The following CHSY3 variants were observed in gnomAD, a reference collection of about 807,000 sequenced individuals.
CHSY3 encodes chondroitin sulfate synthase 3, also known as N-acetylgalactosaminyl-proteoglycan 3-beta-glucuronosyltransferase 3.
Under a neutral mutation model 67.2 loss-of-function variants are expected in CHSY3, and 35 were observed. The observed-to-expected ratio is 0.52, with a 90% confidence interval of 0.40 to 0.69. The LOEUF (loss-of-function observed/expected upper bound fraction) is 0.69, where lower values mean the gene tolerates loss of function less well. Ranked by LOEUF, CHSY3 falls within the 30% of genes least tolerant of loss-of-function variation. CHSY3 has a pLI of 0.00. For missense variants in CHSY3, 1,069 were observed against 1,138.5 expected (o/e 0.94, Z 0.88); for synonymous variants, 474 against 434.7 (o/e 1.09, Z -1.12).
intron 2 of CHSY3, among the ~76,000 whole-genome samples, chr5:130,180,963 G>A (rs548151208): frequency 6.6e-6 from 1 of 152,312 alleles, no homozygotes; most frequent in South Asian, 2.1e-4. Context: ...AAAGTTTAAT[G>A]CGGTAGAAGA....
At position 129,978,419 on chromosome 5, in the gene CHSY3, A is replaced by G. The variant is rs143835529; in HGVS notation, c.1086+70059A>G. 8.7e-3 allele frequency among the ~76,000 whole-genome samples: 1,331 copies of G among 152,296 alleles called. 11 individuals carry two copies. Among genetic ancestry groups the G allele is most frequent in the Non-Finnish European group, 0.012 (782 of 67,994 alleles). The stretch of plus-strand genomic sequence containing the variant: ...CCTTAAGTTGGAGATGTACAAATAC[A>G]TATTTTACATATGTACACATGAGCA... On this transcript the variant is annotated intron_variant, in intron 2 of 2. Transcript: ENST00000305031.
intron 2 of CHSY3, among the ~76,000 whole-genome samples, chr5:129,951,918 C>T (rs138633713): frequency 4.6e-3 from 694 of 152,286 alleles, no homozygotes; most frequent in African/African-American, 0.016. Context: ...CTAGCACAGA[C>T]ATTTATTGAG....
At chr5:130,044,975 G>A (rs752740495) in intron 2 of CHSY3, among the ~76,000 whole-genome samples, 13 of 152,080 alleles carry the variant, frequency 8.5e-5, no homozygotes, top group Non-Finnish European at 1.5e-4. Flanking sequence ...GGCATAAGTA[G>A]TTTTTTGTTT....
intron 2 of CHSY3, among the ~76,000 whole-genome samples, chr5:130,164,184 C>A (rs1430421544): frequency 6.6e-6 from 1 of 152,132 alleles, no homozygotes; most frequent in Non-Finnish European, 1.5e-5. Context: ...ATCTGTATTT[C>A]ATTTGATCTA....
chr5:129,971,905 A>G (rs1762649573), intron 2 of CHSY3, among the ~76,000 whole-genome samples: 1 of 151,994 alleles, frequency 6.6e-6, no homozygotes, highest in African/African-American at 2.4e-5. Context: ...TGGTGGCTGT[A>G]AATTTCTACA....
At chr5:130,149,250 G>T (rs181158425) in intron 2 of CHSY3, among the ~76,000 whole-genome samples, 39 of 152,258 alleles carry the variant, frequency 2.6e-4, no homozygotes, top group Admixed American at 2.4e-3. Context: ...TTCTTGCATT[G>T]CTATAAATAA....
intron 2 of CHSY3, among the ~76,000 whole-genome samples, chr5:130,065,482 C>T (rs145873222): frequency 1.1e-3 from 171 of 152,098 alleles, no homozygotes; most frequent in African/African-American, 3.8e-3. Context: ...GGTTGCTTCT[C>T]GGAATTGTAT....
intron 2 of CHSY3, among the ~76,000 whole-genome samples, chr5:130,149,615 G>T (rs1226268631): frequency 1.3e-5 from 2 of 152,132 alleles, no homozygotes; most frequent in Non-Finnish European, 2.9e-5. Context: ...CATGAGATTT[G>T]GGCAGGGACA....
chr5:129,969,433 C>T (rs1413289927), intron 2 of CHSY3, among the ~76,000 whole-genome samples: 2 of 151,802 alleles, frequency 1.3e-5, no homozygotes, highest in Admixed American at 6.6e-5. Flanking sequence ...TTCAACTAAA[C>T]ATTAGCTAAT....
At chr5:129,919,505 C>A (rs970145905) in intron 2 of CHSY3, among the ~76,000 whole-genome samples, 3 of 152,108 alleles carry the variant, frequency 2.0e-5, no homozygotes, top group Non-Finnish European at 4.4e-5. Context: ...GGAGGCCTCA[C>A]AATCATGGCA....
intron 2 of CHSY3, among the ~76,000 whole-genome samples, chr5:129,995,323 G>T (rs1763502675): frequency 6.6e-6 from 1 of 151,576 alleles, no homozygotes. Flanking sequence ...ATATTTTCTG[G>T]GTATGAGATC....
intron 2 of CHSY3, among the ~76,000 whole-genome samples, chr5:129,979,353 T>A (rs1197970029): frequency 6.6e-6 from 1 of 152,176 alleles, no homozygotes; most frequent in African/African-American, 2.4e-5. Flanking sequence ...ACAAGATTTG[T>A]GGCTTTTTAT....
At chr5:130,020,570 G>T (rs1310551396) in intron 2 of CHSY3, among the ~76,000 whole-genome samples, 1 of 145,946 alleles carries the variant, frequency 6.9e-6, no homozygotes, top group Non-Finnish European at 1.5e-5. Flanking sequence ...TTTTCACACT[G>T]CCCCTTCAAA....
chr5:129,992,239 A>G (rs1215833144), intron 2 of CHSY3, among the ~76,000 whole-genome samples: 2 of 152,212 alleles, frequency 1.3e-5, no homozygotes, highest in Non-Finnish European at 1.5e-5. Context: ...AGTCACAACA[A>G]CAATAAAAGT....
chr5:129,932,140 A>ATATGTATGTATG (rs1554070946), intron 2 of CHSY3, among the ~76,000 whole-genome samples: 4 of 136,348 alleles, frequency 2.9e-5, no homozygotes, highest in African/African-American at 1.2e-4. Context: ...ATATATATAT[A>ATATGTATGTATG]TATGTATATG....
At chr5:129,943,705 G>A (rs1400128011) in intron 2 of CHSY3, among the ~76,000 whole-genome samples, 3 of 152,066 alleles carry the variant, frequency 2.0e-5, no homozygotes, top group Non-Finnish European at 2.9e-5. Flanking sequence ...GATCTAATTC[G>A]GAGCTGTAGA....
chr5:130,167,325 G>A (rs1769776729), intron 2 of CHSY3, among the ~76,000 whole-genome samples: 2 of 152,172 alleles, frequency 1.3e-5, no homozygotes, highest in East Asian at 1.9e-4. Context: ...CTCCCACAGA[G>A]ACTAAGAGAT....
intron 2 of CHSY3, among the ~76,000 whole-genome samples, chr5:130,059,770 G>C (rs2149675855): frequency 6.6e-6 from 1 of 151,880 alleles, no homozygotes; most frequent in South Asian, 2.1e-4. Flanking sequence ...GTTTCAAAAG[G>C]TATCATATAC....
chr5:130,041,149 AC>A (rs1764995875), intron 2 of CHSY3, among the ~76,000 whole-genome samples: 1 of 151,854 alleles, frequency 6.6e-6, no homozygotes, highest in Non-Finnish European at 1.5e-5. Flanking sequence ...GAATTGTCTT[AC>A]CCCCCAAAAA....
Sources: allele counts gnomAD v4.1 joint callset (sites outside exome capture counted in the v4.1 genomes callset), GRCh38; gene constraint gnomAD v4.1.1; transcripts MANE v1.5; gene names NCBI Gene and HGNC (gene_info 2026-07-23, HGNC 2026-07-21).